The following FGF13 variants were observed in gnomAD, a reference collection of about 807,000 sequenced individuals.
FGF13 encodes fibroblast growth factor 13.
A neutral mutation model predicts 19.5 loss-of-function variants in FGF13; 2 were observed. That is an observed-to-expected ratio of 0.10 (90% CI 0.04 to 0.32). The LOEUF is 0.32. Among genes scored for constraint, FGF13 ranks in the 10% least tolerant of loss-of-function variants. FGF13 has a pLI of 1.00. For synonymous variants in FGF13, 72 were observed against 76.9 expected (o/e 0.94, Z 0.33); for missense variants, 113 against 192.7 (o/e 0.59, Z 2.45).
intron 1 of FGF13, among the ~76,000 whole-genome samples, chrX:139,088,523 C>T (rs1047980032): frequency 6.8e-5 from 7 of 103,343 alleles, no homozygotes; most frequent in African/African-American, 2.5e-4. Context: ...GTTGGATTCA[C>T]TCAGCATTAC....
At chrX:139,090,289 T>C (rs1393987247) in intron 1 of FGF13, among the ~76,000 whole-genome samples, 1 of 111,674 alleles carries the variant, frequency 9.0e-6, no homozygotes, top group East Asian at 2.8e-4. Context: ...ACACCACTAG[T>C]AAATCACAAA....
At chrX:139,019,958 T>C (rs2092170696) in intron 1 of FGF13, among the ~76,000 whole-genome samples, 1 of 110,285 alleles carries the variant, frequency 9.1e-6, no homozygotes, top group African/African-American at 3.3e-5. Context: ...ACTGTTATCA[T>C]CATTAAATAG....
At chrX:138,709,581 G>GA (rs1294859514) in intron 1 of FGF13, among the ~76,000 whole-genome samples, 1 of 111,642 alleles carries the variant, frequency 9.0e-6, no homozygotes, top group Non-Finnish European at 1.9e-5. Flanking sequence ...TGGTAGGAAG[G>GA]AAAAAATCAG....
chrX:139,017,615 C>A (rs1251251505), intron 1 of FGF13, among the ~76,000 whole-genome samples: 1 of 110,586 alleles, frequency 9.0e-6, no homozygotes, highest in African/African-American at 3.3e-5. Context: ...GTCTGTCAGA[C>A]CAACTGGACG....
chrX:139,062,962 C>G (rs903892892), intron 1 of FGF13, among the ~76,000 whole-genome samples: 2 of 112,094 alleles, frequency 1.8e-5, no homozygotes, highest in Admixed American at 9.5e-5. Context: ...GGGATATTCT[C>G]TAAGTTCTTC....
intron 1 of FGF13, among the ~76,000 whole-genome samples, chrX:139,051,405 C>T (rs1392715059): frequency 9.0e-6 from 1 of 111,524 alleles, no homozygotes; most frequent in Non-Finnish European, 1.9e-5. Context: ...CCATTTTACT[C>T]AGACCTTAGA....
chrX:139,072,611 A>G (rs1354220207), intron 1 of FGF13, among the ~76,000 whole-genome samples: 2 of 111,800 alleles, frequency 1.8e-5, no homozygotes, highest in African/African-American at 6.5e-5. Flanking sequence ...CTAACTTACA[A>G]TCTTCTAATA....
downstream of FGF13, among the ~76,000 whole-genome samples, chrX:138,853,603 G>A (rs189976081): frequency 3.2e-4 from 30 of 92,689 alleles, no homozygotes; most frequent in Non-Finnish European, 5.6e-4. Flanking sequence ...GACAGAATGT[G>A]TGTGTGTGTG....
At chrX:139,086,012 C>A (rs776244495) in intron 1 of FGF13, among the ~76,000 whole-genome samples, 13 of 112,206 alleles carry the variant, frequency 1.2e-4, no homozygotes, top group Non-Finnish European at 1.9e-5. Context: ...GAGGAAGATT[C>A]CCAAAGATAT....
intron 1 of FGF13, among the ~76,000 whole-genome samples, chrX:139,085,973 C>T (rs1472799249): frequency 8.9e-6 from 1 of 112,210 alleles, no homozygotes; most frequent in Non-Finnish European, 1.9e-5. Context: ...CTTACTTTTG[C>T]AAATACATAG....
chrX:138,816,809 A>C (rs990639381), intron 3 of FGF13, among the ~76,000 whole-genome samples: 7 of 111,574 alleles, frequency 6.3e-5, no homozygotes, highest in Non-Finnish European at 1.1e-4. Flanking sequence ...GGGTATTTTA[A>C]GTGTGGCTCA....
intron 3 of FGF13, among the ~76,000 whole-genome samples, chrX:138,751,964 A>C (rs1436799153): frequency 8.9e-6 from 1 of 111,921 alleles, no homozygotes; most frequent in Non-Finnish European, 1.9e-5. Flanking sequence ...AAAGGCCTAG[A>C]ATATGGATAG....
At chrX:139,115,210 A>C (rs2083630806) in intron 1 of FGF13, among the ~76,000 whole-genome samples, 1 of 111,092 alleles carries the variant, frequency 9.0e-6, no homozygotes. Flanking sequence ...ATGCAGTCCT[A>C]CTCTTTATAT....
At chrX:138,993,136 A>T (rs1327433834) in intron 1 of FGF13, among the ~76,000 whole-genome samples, 7 of 112,194 alleles carry the variant, frequency 6.2e-5, no homozygotes, top group African/African-American at 2.3e-4. Context: ...GTCATGAAAG[A>T]CAAGAAAAGA....
At chrX:139,188,370 C>A (rs1253042815) in intron 1 of FGF13, among the ~76,000 whole-genome samples, 1 of 112,291 alleles carries the variant, frequency 8.9e-6, no homozygotes, top group Non-Finnish European at 1.9e-5. Context: ...TTACAAATGA[C>A]AATCCCTTTG....
intron 3 of FGF13, among the ~76,000 whole-genome samples, chrX:138,695,008 CACACACACACACA>C (rs2089881233): frequency 9.6e-6 from 1 of 104,495 alleles, no homozygotes; most frequent in African/African-American, 3.8e-5. Context: ...CACACACACA[CACACACACACACA>C]CACACACACA....
chrX:138,924,111 G>T (rs1427631559), intron 1 of FGF13, among the ~76,000 whole-genome samples: 1 of 112,195 alleles, frequency 8.9e-6, no homozygotes, highest in Non-Finnish European at 1.9e-5. Flanking sequence ...TAGTCAGTTT[G>T]CTTTTTATTG....
intron 1 of FGF13, among the ~76,000 whole-genome samples, chrX:138,988,907 G>T (rs776900903): frequency 9.0e-6 from 1 of 111,300 alleles, no homozygotes; most frequent in South Asian, 3.8e-4. Context: ...CTCAACACTA[G>T]GAAATATATA....
chrX:138,685,500 A>G (rs1358027523), intron 3 of FGF13, among the ~76,000 whole-genome samples: 2 of 111,466 alleles, frequency 1.8e-5, no homozygotes, highest in Non-Finnish European at 3.8e-5. Context: ...GCACATTATC[A>G]CGATTTACTT....
Sources: gnomAD v4.1 joint callset for allele counts (sites outside exome capture counted in the v4.1 genomes callset) on GRCh38, gnomAD v4.1.1 for gene constraint, MANE v1.5 for transcripts, NCBI Gene and HGNC (gene_info 2026-07-23, HGNC 2026-07-21) for gene names.